The following IL1RAPL2 variants were observed in gnomAD, a reference collection of about 807,000 sequenced individuals.
IL1RAPL2 encodes the protein interleukin 1 receptor accessory protein like 2.
A neutral mutation model predicts 44.1 loss-of-function variants in IL1RAPL2; 3 were observed. The ratio of observed to expected loss-of-function variants is 0.07; its 90% CI spans 0.03 to 0.18. IL1RAPL2 has a LOEUF of 0.18. IL1RAPL2 is among the 10% of genes least tolerant of loss of function. The pLI is 1.00. For synonymous variants in IL1RAPL2, 181 were observed against 178.8 expected (o/e 1.01, Z -0.10); for missense variants, 391 against 496.4 (o/e 0.79, Z 2.02).
At chrX:105,178,812 G>A (rs1014296042) in intron 2 of IL1RAPL2, among the ~76,000 whole-genome samples, 3 of 111,281 alleles carry the variant, frequency 2.7e-5, no homozygotes, top group African/African-American at 9.8e-5. Context: ...GTGTCTATTT[G>A]TGTCTTTTGC....
intron 2 of IL1RAPL2, among the ~76,000 whole-genome samples, chrX:104,844,446 A>G (rs1228442334): frequency 9.0e-6 from 1 of 111,639 alleles, no homozygotes; most frequent in Non-Finnish European, 1.9e-5. Context: ...AGCCTTTAAT[A>G]TACTGATGTT....
At chrX:104,826,754 T>C (rs1165901362) in intron 2 of IL1RAPL2, among the ~76,000 whole-genome samples, 2 of 110,185 alleles carry the variant, frequency 1.8e-5, no homozygotes, top group African/African-American at 6.6e-5. Context: ...TAAGTCTCTT[T>C]GTAGGTCTTG....
At chrX:105,693,531 CAGA>C (rs2038052885) in intron 6 of IL1RAPL2, among the ~76,000 whole-genome samples, 1 of 112,233 alleles carries the variant, frequency 8.9e-6, no homozygotes, top group Non-Finnish European at 1.9e-5. Flanking sequence ...AGGCCCACAT[CAGA>C]AGCAGATGCT....
At position 104,987,040 on chromosome X, in the gene IL1RAPL2, C is replaced by T. The variant is rs142141517; in HGVS notation, c.83-208435C>T. On this transcript the variant is annotated intron_variant, in intron 2 of 10. Transcript: ENST00000372582. ...TGCATTTTGCTTGACAAATCAGCAC[C>T]ACTTGAATAGAGGCCTTGTTACCCA... Among the ~76,000 whole-genome samples the T allele has an allele frequency of 1.9e-3, 210 of 112,205 alleles. 1 individual carries two copies. Among genetic ancestry groups the T allele is most frequent in the African/African-American group, 6.5e-3 (201 of 30,939 alleles).
chrX:105,490,353 G>A (rs958316510), intron 6 of IL1RAPL2, among the ~76,000 whole-genome samples: 2 of 111,815 alleles, frequency 1.8e-5, no homozygotes, highest in East Asian at 2.8e-4. Flanking sequence ...ATCTGATCCA[G>A]TATAAAAGAT....
chrX:105,686,468 C>T (rs1245125854), intron 6 of IL1RAPL2, among the ~76,000 whole-genome samples: 2 of 101,848 alleles, frequency 2.0e-5, no homozygotes, highest in African/African-American at 7.2e-5. Flanking sequence ...TCAAAAGAGA[C>T]AAAGAAGGCC....
chrX:105,409,368 T>C (rs933820446), intron 5 of IL1RAPL2, among the ~76,000 whole-genome samples: 8 of 111,783 alleles, frequency 7.2e-5, no homozygotes, highest in African/African-American at 2.6e-4. Flanking sequence ...TAACAATTAT[T>C]TATTGGAGAC....
intron 1 of IL1RAPL2, among the ~76,000 whole-genome samples, chrX:104,631,004 A>C (rs1479923521): frequency 9.1e-6 from 1 of 109,619 alleles, no homozygotes; most frequent in Non-Finnish European, 1.9e-5. Context: ...ACACCCCACA[A>C]CAGGCCCCAG....
chrX:105,713,040 A>G (rs901372739), intron 6 of IL1RAPL2, among the ~76,000 whole-genome samples: 3 of 112,405 alleles, frequency 2.7e-5, no homozygotes, highest in Admixed American at 9.4e-5. Context: ...GTGTGCTCCC[A>G]TGGCCTTGGG....
At chrX:105,120,713 G>A (rs1378496968) in intron 2 of IL1RAPL2, among the ~76,000 whole-genome samples, 3 of 111,791 alleles carry the variant, frequency 2.7e-5, no homozygotes, top group African/African-American at 9.7e-5. Flanking sequence ...TATACTCCCC[G>A]ATGTCTGCAG....
At chrX:105,740,359 AT>A (rs1209900227) in intron 7 of IL1RAPL2, among the ~76,000 whole-genome samples, 186 bp from the exon 8 acceptor site, 2 of 111,604 alleles carry the variant, frequency 1.8e-5, no homozygotes. Flanking sequence ...TTTCCATCTT[AT>A]CTTCATGTCA....
chrX:104,796,526 G>T (rs1486404920), intron 2 of IL1RAPL2, among the ~76,000 whole-genome samples: 1 of 112,216 alleles, frequency 8.9e-6, no homozygotes, highest in Non-Finnish European at 1.9e-5. Context: ...GGTAAAGAAA[G>T]TTCCTGCACC....
intron 2 of IL1RAPL2, among the ~76,000 whole-genome samples, chrX:104,899,828 A>G (rs1357573694): frequency 1.8e-5 from 2 of 111,870 alleles, no homozygotes; most frequent in South Asian, 3.7e-4. Context: ...AATATTTAAT[A>G]TAACTACTAC....
In IL1RAPL2 at chrX:104,905,171, T is replaced by C. The variant is rs1324497018; in HGVS notation, c.82+246176T>C. On this transcript the variant is annotated intron_variant, in intron 2 of 10. Transcript: ENST00000372582. The stretch of plus-strand genomic sequence containing the variant: ...GGTTGTTTGTTTTTTTCTTGTAAAT[T>C]TGTTGGAGTTCATTGTAGATTCTGG... 3.6e-5 allele frequency among the ~76,000 whole-genome samples: 4 copies of C among 111,958 alleles called. No homozygotes were observed. The East Asian group carries it at 1.1e-3, about 31-fold the overall frequency.
At chrX:105,708,044 G>A (rs1447101375) in intron 6 of IL1RAPL2, among the ~76,000 whole-genome samples, 3 of 111,324 alleles carry the variant, frequency 2.7e-5, no homozygotes, top group Non-Finnish European at 5.7e-5. Flanking sequence ...TAGTCTAAAA[G>A]AACCCTTATA....
At chrX:104,899,214 G>T (rs1180399477) in intron 2 of IL1RAPL2, among the ~76,000 whole-genome samples, 1 of 111,829 alleles carries the variant, frequency 8.9e-6, no homozygotes, top group African/African-American at 3.2e-5. Flanking sequence ...GCCCTTGAGA[G>T]AACTTGAATT....
chrX:105,715,450 A>G (rs775762360), intron 6 of IL1RAPL2, among the ~76,000 whole-genome samples: 1 of 111,983 alleles, frequency 8.9e-6, no homozygotes, highest in South Asian at 3.7e-4. Flanking sequence ...GAATGAATTG[A>G]AATGGTAAAG....
chrX:105,766,889 C>T (rs889195261), intron 10 of IL1RAPL2, 75 bp from the exon 11 acceptor site: 1 of 680,959 alleles, frequency 1.5e-6, no homozygotes, highest in Non-Finnish European at 2.3e-6. Context: ...CTTTGCTATA[C>T]TAGTGTGCAA....
At chrX:104,872,345 T>C (rs1426033483) in intron 2 of IL1RAPL2, among the ~76,000 whole-genome samples, 1 of 111,496 alleles carries the variant, frequency 9.0e-6, no homozygotes, top group Non-Finnish European at 1.9e-5. Context: ...TTTGGAAAGC[T>C]CTCCTTAAAA....
Sources: gnomAD v4.1 joint callset for allele counts (sites outside exome capture counted in the v4.1 genomes callset) on GRCh38, gnomAD v4.1.1 for gene constraint, MANE v1.5 for transcripts, NCBI Gene and HGNC (gene_info 2026-07-23, HGNC 2026-07-21) for gene names.